Variants in OSBPL8 observed in about 807,000 individuals in gnomAD.
The protein encoded by OSBPL8 is oxysterol binding protein like 8.
In OSBPL8, 59 loss-of-function variants were observed where a neutral mutation model predicts 125.5. That is an observed-to-expected ratio of 0.47 (90% CI 0.38 to 0.58). OSBPL8 has a LOEUF of 0.58. Ranked by LOEUF, OSBPL8 falls within the 20% of genes least tolerant of loss-of-function variation. The probability of loss-of-function intolerance (pLI) is 0.00; values close to 1 mark genes in which losing one functional copy is unlikely to be tolerated. For missense variants in OSBPL8, 758 were observed against 1,047.8 expected, an observed-to-expected ratio of 0.72 and a Z score of 3.82; for synonymous variants, 330 against 338.9, an observed-to-expected ratio of 0.97 and a Z score of 0.29.
At position 76,559,632 on chromosome 12, in the gene OSBPL8, C is replaced by G. The variant is rs954968871; in HGVS notation, c.-303G>C. Reference sequence around the variant, plus strand: ...ACTTTCGGCCCCGAGGTCCACCAGCCCGGGCGGACCCCCACCTTCCCTCAG... The same window carrying G: ...ACTTTCGGCCCCGAGGTCCACCAGCGCGGGCGGACCCCCACCTTCCCTCAG... On this transcript the variant is annotated 5_prime_UTR_variant, in exon 1 of 24. Coordinates refer to ENST00000261183, the MANE Select transcript of OSBPL8 (RefSeq NM_020841.5). 1 of 152,252 alleles carries G rather than the reference C, an allele frequency of 6.6e-6. No homozygotes were observed. Among genetic ancestry groups the G allele is most frequent in the Admixed American group, 6.5e-5 (1 of 15,284 alleles). The allele number at this position is 152,252 out of a possible 1,614,324, so 9.4% of individuals were successfully genotyped here. A position where few individuals can be genotyped will look rare whatever the true frequency, so the allele number is the denominator to read the frequency against.
At chr12:76,482,403 C>T (rs1032027029) in intron 2 of OSBPL8, among the ~76,000 whole-genome samples, 4 of 152,134 alleles carry the variant, frequency 2.6e-5, no homozygotes, top group Admixed American at 6.5e-5. Context: ...CACTTGAGGT[C>T]GGGAGTTCGA....
intron 2 of OSBPL8, among the ~76,000 whole-genome samples, chr12:76,479,530 A>G (rs889927998): frequency 2.0e-5 from 3 of 152,196 alleles, no homozygotes; most frequent in African/African-American, 7.2e-5. Flanking sequence ...ATGAACATCA[A>G]TGGTTGCTAT....
chr12:76,479,893 G>A (rs1307363258), intron 2 of OSBPL8, among the ~76,000 whole-genome samples: 3 of 152,138 alleles, frequency 2.0e-5, no homozygotes, highest in South Asian at 2.1e-4. Context: ...GAGGCCGGGC[G>A]CGGTGGCTCA....
chr12:76,375,992 A>C (rs939451355), intron 16 of OSBPL8, among the ~76,000 whole-genome samples: 1 of 152,214 alleles, frequency 6.6e-6, no homozygotes, highest in Non-Finnish European at 1.5e-5. Context: ...AATTAATGTT[A>C]TAATTACATC....
chr12:76,504,908 A>G (rs1880262312), intron 1 of OSBPL8, among the ~76,000 whole-genome samples: 4 of 152,110 alleles, frequency 2.6e-5, no homozygotes, highest in African/African-American at 9.7e-5. Flanking sequence ...TGGTGACTGG[A>G]TGGCCTCACC....
intron 5 of OSBPL8, among the ~76,000 whole-genome samples, chr12:76,409,296 A>C (rs1954410463): frequency 6.6e-6 from 1 of 152,212 alleles, no homozygotes; most frequent in South Asian, 2.1e-4. Flanking sequence ...AAGAATCCAA[A>C]CACACAGAGA....
At chr12:76,374,971 A>C (rs980717103) in intron 17 of OSBPL8, among the ~76,000 whole-genome samples, 4 of 152,172 alleles carry the variant, frequency 2.6e-5, no homozygotes, top group African/African-American at 9.6e-5. Flanking sequence ...TTTACTAAGA[A>C]ATTTCTATCC....
intron 4 of OSBPL8, among the ~76,000 whole-genome samples, chr12:76,435,155 CGT>C (rs71082308): frequency 0.093 from 13,629 of 146,296 alleles, 1,450 homozygotes; most frequent in African/African-American, 0.27. Context: ...TATATATCTA[CGT>C]GTGTGTGTGT....
chr12:76,442,638 C>T (rs930295785), intron 4 of OSBPL8, among the ~76,000 whole-genome samples: 5 of 152,088 alleles, frequency 3.3e-5, no homozygotes, highest in Admixed American at 1.3e-4. Flanking sequence ...TAACTACAAG[C>T]CCTCTTTCAG....
intron 5 of OSBPL8, among the ~76,000 whole-genome samples, chr12:76,409,317 A>C (rs1261182920): frequency 6.6e-6 from 1 of 152,194 alleles, no homozygotes; most frequent in Non-Finnish European, 1.5e-5. Context: ...TACCAAGAAG[A>C]AGCTGAACAA....
At chr12:76,464,170 G>A (rs895777486) in intron 2 of OSBPL8, among the ~76,000 whole-genome samples, 1 of 152,198 alleles carries the variant, frequency 6.6e-6, no homozygotes, top group Non-Finnish European at 1.5e-5. Flanking sequence ...ATGGGAGGCT[G>A]AGGCAGGAGG....
chr12:76,496,606 T>A (rs1306577157), intron 1 of OSBPL8, among the ~76,000 whole-genome samples: 1 of 151,888 alleles, frequency 6.6e-6, no homozygotes, highest in Non-Finnish European at 1.5e-5. Flanking sequence ...AATGGCAGGA[T>A]CTCAGCTCAC....
At position 76,459,000 on chromosome 12, in the gene OSBPL8, G is replaced by C. The variant is rs181561731; in HGVS notation, c.79+859C>G. ...AATGAAGTTAAAAATCTTCATCTAT[G>C]ATGCAGTAAAATTTTAACTGTTTAG... On this transcript the variant is annotated intron_variant, in intron 3 of 23. Coordinates refer to ENST00000261183, the MANE Select transcript of OSBPL8 (RefSeq NM_020841.5). Among the ~76,000 whole-genome samples the C allele has an allele frequency of 2.6e-4, 40 of 152,234 alleles. No individual in the cohort carries two copies. In the East Asian group the frequency reaches 7.3e-3, roughly 28 times the overall value.
intron 2 of OSBPL8, among the ~76,000 whole-genome samples, chr12:76,480,726 G>C (rs754169142): frequency 9.2e-5 from 14 of 152,298 alleles, no homozygotes; most frequent in Admixed American, 2.0e-4. Context: ...GCAGACCACA[G>C]ACTTTGGGTT....
chr12:76,393,913 G>C (rs1271509458), intron 9 of OSBPL8, among the ~76,000 whole-genome samples: 1 of 151,824 alleles, frequency 6.6e-6, no homozygotes, highest in East Asian at 1.9e-4. Context: ...CCAGCTACCC[G>C]GGAGGCTGAG....
chr12:76,438,347 C>T (rs1481992024), intron 4 of OSBPL8, among the ~76,000 whole-genome samples: 15 of 147,172 alleles, frequency 1.0e-4, no homozygotes, highest in African/African-American at 3.0e-4. Context: ...CTGTCGCTCA[C>T]GCTGGAGAGC....
intron 4 of OSBPL8, among the ~76,000 whole-genome samples, chr12:76,440,578 C>A (rs1466536853): frequency 6.6e-6 from 1 of 152,008 alleles, no homozygotes; most frequent in African/African-American, 2.4e-5. Flanking sequence ...TGGATTTTGA[C>A]CCCAAACTCA....
chr12:76,556,534 G>T (rs531893564), intron 1 of OSBPL8, among the ~76,000 whole-genome samples: 6 of 152,126 alleles, frequency 3.9e-5, no homozygotes, highest in African/African-American at 1.4e-4. Flanking sequence ...CATGAGTCTA[G>T]ACATCTCTTC....
chr12:76,426,896 C>T (rs1870214943), intron 4 of OSBPL8, among the ~76,000 whole-genome samples: 1 of 152,048 alleles, frequency 6.6e-6, no homozygotes, highest in African/African-American at 2.4e-5. Context: ...TTTCCCTTCC[C>T]TGTTAGCCAC....
Sources: allele counts gnomAD v4.1 joint callset (sites outside exome capture counted in the v4.1 genomes callset), GRCh38; gene constraint gnomAD v4.1.1; transcripts MANE v1.5; gene names NCBI Gene and HGNC (gene_info 2026-07-23, HGNC 2026-07-21).